MYO1D: variants seen among roughly 807,000 people sequenced by gnomAD.
The protein encoded by MYO1D is unconventional myosin-Id.
A neutral mutation model predicts 122.0 loss-of-function variants in MYO1D; 83 were observed. That is an observed-to-expected ratio of 0.68 (90% CI 0.57 to 0.82). The LOEUF is 0.82. Among genes scored for constraint, MYO1D ranks in the 40% least tolerant of loss-of-function variants. MYO1D has a pLI of 0.00. For synonymous variants in MYO1D, 464 were observed against 446.9 expected (o/e 1.04, Z -0.48); for missense variants, 1,157 against 1,269.5 (o/e 0.91, Z 1.35).
chr17:32,539,474 T>G (rs547915613), intron 21 of MYO1D, among the ~76,000 whole-genome samples: 14 of 152,242 alleles, frequency 9.2e-5, no homozygotes, highest in African/African-American at 3.4e-4. Flanking sequence ...AGTTCTGGAG[T>G]CCAAAAGTCT....
chr17:32,725,795 A>C (rs1194937308), intron 14 of MYO1D, among the ~76,000 whole-genome samples: 1 of 151,550 alleles, frequency 6.6e-6, no homozygotes, highest in African/African-American at 2.4e-5. Flanking sequence ...TATTTAAAAA[A>C]AAATCTACAC....
chr17:32,746,500 G>C (rs1177166421), intron 12 of MYO1D, among the ~76,000 whole-genome samples: 1 of 151,972 alleles, frequency 6.6e-6, no homozygotes, highest in East Asian at 1.9e-4. Context: ...ATGAGTAATT[G>C]CTATTACTCA....
intron 16 of MYO1D, among the ~76,000 whole-genome samples, chr17:32,691,916 G>T (rs1330335712): frequency 1.3e-5 from 2 of 152,042 alleles, no homozygotes; most frequent in African/African-American, 4.8e-5. Context: ...ATGATATTTT[G>T]AAAAATCCCG....
intron 21 of MYO1D, among the ~76,000 whole-genome samples, chr17:32,521,696 T>C (rs1425640083): frequency 1.3e-5 from 2 of 152,142 alleles, no homozygotes; most frequent in African/African-American, 4.8e-5. Context: ...ACGCCCATAA[T>C]CTCAGCACTT....
rs373245488 is a variant in MYO1D at position 32,755,512 on chromosome 17, C to T, written c.1447G>A (p.Ala483Thr). 8.7e-6 allele frequency: 14 copies of T among 1,613,466 alleles called. No individual in the cohort carries two copies. The highest frequency in any genetic ancestry group is 2.7e-5 in the African/African-American group (2 of 74,890). The change falls in exon 11 of 22, where the codon GCC (alanine) becomes ACC (threonine). Residue 483 changes from alanine (A) to threonine (T), a missense_variant. Ala to Thr is a moderately conservative substitution (Grantham distance 58). Coordinates refer to ENST00000318217, the MANE Select transcript of MYO1D (RefSeq NM_015194.3). ...EALNSKLGKH[A>T]HFSSRKLCAS... Reference sequence around the variant, plus strand: ...ATTACCTTTCGGCTGGAAAAATGGGCGTGTTTGCCCAATTTACTGTTAAGT... The same window carrying T: ...ATTACCTTTCGGCTGGAAAAATGGGTGTGTTTGCCCAATTTACTGTTAAGT...
At chr17:32,679,227 G>A (rs973056676) in intron 16 of MYO1D, among the ~76,000 whole-genome samples, 1 of 149,698 alleles carries the variant, frequency 6.7e-6, no homozygotes, top group Non-Finnish European at 1.5e-5. Context: ...CACTCTGATG[G>A]TAGTTTCTTT....
intron 1 of MYO1D, among the ~76,000 whole-genome samples, chr17:32,863,707 T>C (rs1283619288): frequency 6.6e-6 from 1 of 152,264 alleles, no homozygotes; most frequent in Non-Finnish European, 1.5e-5. Flanking sequence ...ACATTCTTTA[T>C]ATTCTGCTTA....
chr17:32,693,882 C>T lies in MYO1D; in HGVS notation c.2121+18106G>A, dbSNP rs1397668145. On this transcript the variant is annotated intron_variant, in intron 16 of 21. Transcript: ENST00000318217. Reference sequence around the variant, plus strand: ...GGAAGAGAAAAAAGGAGAGTGGGGCCGGGTGTGAGGGAATGTACTGTTGCT... The same window carrying T: ...GGAAGAGAAAAAAGGAGAGTGGGGCTGGGTGTGAGGGAATGTACTGTTGCT... 4.6e-5 allele frequency among the ~76,000 whole-genome samples: 7 copies of T among 152,130 alleles called. 1 individual carries two copies. The highest frequency in any genetic ancestry group is 1.3e-4 in the Admixed American group (2 of 15,274).
rs556093570 is a variant in MYO1D at position 32,560,277 on chromosome 17, G to A, written c.2864+44810C>T. Among the ~76,000 whole-genome samples, 6 of 151,732 alleles carry A rather than the reference G, an allele frequency of 4.0e-5. No individual in the cohort carries two copies. In the South Asian group the frequency reaches 1.2e-3, roughly 32 times the overall value. ...CTCAAAAAAAAAGGAAAAAGTGTTT[G>A]TGACAAGCTGTATATGCCTGATGTT... is the stretch of plus-strand genomic sequence containing the variant. On this transcript the variant is annotated intron_variant, in intron 21 of 21. Coordinates refer to ENST00000318217, the MANE Select transcript of MYO1D (RefSeq NM_015194.3).
At chr17:32,730,511 T>G (rs1244454775) in intron 14 of MYO1D, among the ~76,000 whole-genome samples, 3 of 152,194 alleles carry the variant, frequency 2.0e-5, no homozygotes, top group Non-Finnish European at 4.4e-5. Context: ...TTAAGTGAGG[T>G]TGATAAACTC....
chr17:32,677,513 T>C (rs1168256573), intron 16 of MYO1D, among the ~76,000 whole-genome samples: 1 of 151,396 alleles, frequency 6.6e-6, no homozygotes, highest in East Asian at 1.9e-4. Context: ...GAAATCTTTA[T>C]ATATCTCCTC....
chr17:32,546,460 A>G (rs1247794342), intron 21 of MYO1D, among the ~76,000 whole-genome samples: 2 of 152,230 alleles, frequency 1.3e-5, no homozygotes, highest in African/African-American at 4.8e-5. Flanking sequence ...GCAGGGGCAC[A>G]CAGAAAACCT....
chr17:32,770,015 G>A (rs1268605167), intron 6 of MYO1D, among the ~76,000 whole-genome samples: 2 of 152,156 alleles, frequency 1.3e-5, no homozygotes, highest in Non-Finnish European at 2.9e-5. Flanking sequence ...AGTGCCTCTG[G>A]CTAGTTCTCA....
At chr17:32,550,460 G>T (rs225192) in intron 21 of MYO1D, among the ~76,000 whole-genome samples, 1 of 151,312 alleles carries the variant, frequency 6.6e-6, no homozygotes, top group Non-Finnish European at 1.5e-5. Context: ...TTTTTTTTTG[G>T]TGTTCACTGT....
chr17:32,642,288 A>C (rs1365082687), intron 19 of MYO1D, among the ~76,000 whole-genome samples: 2 of 152,128 alleles, frequency 1.3e-5, no homozygotes, highest in Non-Finnish European at 2.9e-5. Flanking sequence ...CCATTGGTCT[A>C]TATCTCTGTT....
At chr17:32,827,727 C>T (rs1307584634) in intron 1 of MYO1D, among the ~76,000 whole-genome samples, 1 of 152,024 alleles carries the variant, frequency 6.6e-6, no homozygotes, top group Non-Finnish European at 1.5e-5. Context: ...TAAAGGCAAA[C>T]TCTAGAATCT....
At chr17:32,617,189 T>C (rs1162728447) in intron 20 of MYO1D, among the ~76,000 whole-genome samples, 1 of 151,646 alleles carries the variant, frequency 6.6e-6, no homozygotes, top group Non-Finnish European at 1.5e-5. Context: ...AAAAAGTTAA[T>C]AAAAAAAATA....
At chr17:32,694,784 T>C (rs992120860) in intron 16 of MYO1D, among the ~76,000 whole-genome samples, 1 of 150,128 alleles carries the variant, frequency 6.7e-6, no homozygotes, top group Admixed American at 6.6e-5. Context: ...TGCTTGCTGG[T>C]CATCTCTACT....
intron 1 of MYO1D, among the ~76,000 whole-genome samples, chr17:32,874,223 C>T (rs1232408766): frequency 6.6e-6 from 1 of 151,780 alleles, no homozygotes; most frequent in Non-Finnish European, 1.5e-5. Flanking sequence ...CTTTATAAGG[C>T]TTTTATCTTC....
Sources: allele counts gnomAD v4.1 joint callset (sites outside exome capture counted in the v4.1 genomes callset), GRCh38; gene constraint gnomAD v4.1.1; transcripts MANE v1.5; gene names NCBI Gene and HGNC (gene_info 2026-07-23, HGNC 2026-07-21).